Variants in CDK14 observed in about 807,000 individuals in gnomAD.
CDK14 encodes cyclin-dependent kinase 14.
CDK14 carries 34 observed loss-of-function variants against 60.7 expected under a neutral mutation model. The observed-to-expected ratio is 0.56, with a 90% CI of 0.43 to 0.75. CDK14 has a LOEUF of 0.75. Among genes scored for constraint, CDK14 ranks in the 30% least tolerant of loss-of-function variants. The probability of loss-of-function intolerance (pLI) is 0.00; values close to 1 mark genes in which losing one functional copy is unlikely to be tolerated. For missense variants in CDK14, 482 were observed against 564.1 expected, an observed-to-expected ratio of 0.85 and a Z score of 1.47; for synonymous variants, 197 against 203.7, an observed-to-expected ratio of 0.97 and a Z score of 0.28.
intron 10 of CDK14, among the ~76,000 whole-genome samples, chr7:90,997,210 T>G (rs575824830): frequency 6.6e-6 from 1 of 152,324 alleles, no homozygotes; most frequent in East Asian, 1.9e-4. Flanking sequence ...CTTATTCTCC[T>G]AATAGAGTTT....
chr7:90,757,631 C>T (rs142939157), intron 4 of CDK14, among the ~76,000 whole-genome samples: 3 of 150,916 alleles, frequency 2.0e-5, no homozygotes, highest in African/African-American at 7.3e-5. Context: ...GGGTCTCACT[C>T]TGTCGCCCAG....
chr7:90,935,220 G>C (rs1793712630), intron 8 of CDK14, among the ~76,000 whole-genome samples: 1 of 152,150 alleles, frequency 6.6e-6, no homozygotes. Context: ...CCATTCATGA[G>C]GGCAGAGCTC....
At chr7:90,880,133 G>A (rs1791698826) in intron 6 of CDK14, among the ~76,000 whole-genome samples, 2 of 152,226 alleles carry the variant, frequency 1.3e-5, no homozygotes, top group African/African-American at 4.8e-5. Flanking sequence ...AGCCATTTGA[G>A]CTCCTTGGGG....
rs1799186791 is a variant in CDK14, at chr7:90,596,441, C to A, written c.-187C>A. The stretch of plus-strand genomic sequence containing the variant: ...CCCGCCCGCCCAGCTGCGGCCCAGG[C>A]CGGAGCGGAGCCTGCCGTCCTCCGC... On this transcript the variant is annotated 5_prime_UTR_variant, in exon 1 of 15. Transcript: ENST00000380050. The A allele has an allele frequency of 2.1e-6, 1 of 470,886 alleles. No homozygotes were observed. The highest frequency in any genetic ancestry group is 3.8e-6 in the Non-Finnish European group (1 of 265,538). 29.2% of individuals were successfully genotyped at this position (470,886 alleles called of 1,614,324 possible).
At chr7:90,970,233 C>G (rs562077732) in intron 9 of CDK14, among the ~76,000 whole-genome samples, 2 of 151,760 alleles carry the variant, frequency 1.3e-5, no homozygotes, top group Non-Finnish European at 2.9e-5. Flanking sequence ...CCCAAAGTGC[C>G]GGGATTAAAG....
At chr7:90,726,041 C>A (rs1451993546) in intron 2 of CDK14, among the ~76,000 whole-genome samples, 1 of 152,148 alleles carries the variant, frequency 6.6e-6, no homozygotes, top group African/African-American at 2.4e-5. Context: ...TCCATTCATT[C>A]CAATTTGGAG....
intron 8 of CDK14, among the ~76,000 whole-genome samples, chr7:90,945,810 T>C (rs1163549359): frequency 6.6e-6 from 1 of 152,188 alleles, no homozygotes; most frequent in Admixed American, 6.5e-5. Flanking sequence ...TTTTACTACA[T>C]GTATTTCACA....
At chr7:90,703,410 TA>T (rs1295436626) in intron 2 of CDK14, among the ~76,000 whole-genome samples, 2 of 152,184 alleles carry the variant, frequency 1.3e-5, no homozygotes, top group Non-Finnish European at 2.9e-5. Context: ...TGTTTCTGCT[TA>T]GGGTGTAAAA....
intron 10 of CDK14, among the ~76,000 whole-genome samples, chr7:91,007,496 C>T (rs1268529014): frequency 2.0e-5 from 3 of 152,106 alleles, no homozygotes; most frequent in Admixed American, 1.3e-4. Flanking sequence ...TTTTCTACAC[C>T]GTATGCATTT....
At chr7:90,685,820 A>G (rs1801423233) in intron 2 of CDK14, among the ~76,000 whole-genome samples, 2 of 152,202 alleles carry the variant, frequency 1.3e-5, no homozygotes, top group Admixed American at 6.5e-5. Context: ...CTGTTCAAAT[A>G]CAAGTTCTCT....
At chr7:90,665,311 A>G (rs1457181281) in intron 2 of CDK14, among the ~76,000 whole-genome samples, 1 of 152,006 alleles carries the variant, frequency 6.6e-6, no homozygotes, top group Non-Finnish European at 1.5e-5. Context: ...TAAATAATAA[A>G]AACATAAAAA....
chr7:90,845,746 GTAATC>G (rs1166417485), intron 5 of CDK14, among the ~76,000 whole-genome samples: 1 of 151,942 alleles, frequency 6.6e-6, no homozygotes, highest in African/African-American at 2.4e-5. Context: ...TTTATTTCAG[GTAATC>G]TAATATCTGT....
chr7:91,152,841 A>G (rs1233094272), intron 14 of CDK14, among the ~76,000 whole-genome samples: 1 of 152,162 alleles, frequency 6.6e-6, no homozygotes, highest in Non-Finnish European at 1.5e-5. Flanking sequence ...TAGTAACACC[A>G]TTTTCCTGAT....
intron 11 of CDK14, among the ~76,000 whole-genome samples, chr7:91,075,946 C>G (rs1030306801): frequency 2.0e-5 from 3 of 152,058 alleles, no homozygotes; most frequent in Admixed American, 6.6e-5. Flanking sequence ...GAACTACAAA[C>G]CACTGCTCAA....
chr7:91,153,380 C>A (rs1800879353), intron 14 of CDK14, among the ~76,000 whole-genome samples: 1 of 152,082 alleles, frequency 6.6e-6, no homozygotes, highest in African/African-American at 2.4e-5. Flanking sequence ...CCAGCAATCC[C>A]ATTATGCTCA....
At chr7:90,852,640 A>G (rs1790685276) in intron 5 of CDK14, among the ~76,000 whole-genome samples, 1 of 152,172 alleles carries the variant, frequency 6.6e-6, no homozygotes, top group Non-Finnish European at 1.5e-5. Flanking sequence ...TGATGCTAGC[A>G]TTGGCCAAGC....
At chr7:91,074,682 A>C (rs1798244274) in intron 11 of CDK14, among the ~76,000 whole-genome samples, 1 of 152,212 alleles carries the variant, frequency 6.6e-6, no homozygotes, top group South Asian at 2.1e-4. Context: ...AGACACAAAA[A>C]AACCCTTCAA....
intron 2 of CDK14, among the ~76,000 whole-genome samples, chr7:90,613,642 G>A (rs563515861): frequency 9.4e-4 from 143 of 152,108 alleles, no homozygotes; most frequent in Non-Finnish European, 1.5e-3. Context: ...AGCTGAGATC[G>A]TGCCACTGCA....
intron 8 of CDK14, among the ~76,000 whole-genome samples, chr7:90,949,780 G>T (rs1411143315): frequency 3.3e-5 from 5 of 152,114 alleles, no homozygotes; most frequent in African/African-American, 1.2e-4. Context: ...AAACAAAGAT[G>T]TTACATACAA....
Sources: allele counts gnomAD v4.1 joint callset (sites outside exome capture counted in the v4.1 genomes callset), GRCh38; gene constraint gnomAD v4.1.1; transcripts MANE v1.5; gene names NCBI Gene and HGNC (gene_info 2026-07-23, HGNC 2026-07-21).